KIF21A: variants seen among roughly 807,000 people sequenced by gnomAD.
The protein encoded by KIF21A is kinesin-like protein KIF21A.
In KIF21A, 114 loss-of-function variants were observed where a neutral mutation model predicts 202.9. The ratio of observed to expected loss-of-function variants is 0.56; its 90% confidence interval spans 0.48 to 0.66. KIF21A has a LOEUF of 0.66. KIF21A is among the 30% of genes least tolerant of loss of function. KIF21A has a pLI of 0.00. For missense variants in KIF21A, 1,677 were observed against 1,994.9 expected (o/e 0.84, Z 3.04); for synonymous variants, 667 against 670.8 (o/e 0.99, Z 0.09).
rs1479940083 is a variant in KIF21A at position 39,319,930 on chromosome 12, T to A, written c.3755A>T (p.Lys1252Ile). ...CTGCTTTTGTTCCTTGGCCTTTGAT[T>A]TTTCTGCTTTCTCATATGCCTTTCT... ...TRRKAYEKAE[K>I]SKAKEQKHSD... The change falls in exon 28 of 38, where the codon AAA (lysine) becomes ATA (isoleucine). Residue 1252 changes from lysine (K) to isoleucine (I), a missense_variant. Lys to Ile is a moderately radical substitution (Grantham distance 102). Around this residue, in one of 3 missense-constraint regions of KIF21A, gnomAD observed 705 missense variants for 791.9 expected, o/e 0.89. Transcript: ENST00000361418. The A allele has an allele frequency of 6.2e-7, 1 of 1,606,486 alleles. No homozygotes were observed. Among genetic ancestry groups the A allele is most frequent in the East Asian group, 2.2e-5 (1 of 44,782 alleles).
rs1387332677 is a variant in KIF21A, at chr12:39,436,448, A to ATATATTTTT, written c.44+6478_44+6479insAAAAATATA. On this transcript the variant is annotated intron_variant, in intron 1 of 37. Transcript: ENST00000361418. Reference sequence around the variant, plus strand: ...TATATATATATATATATATATATATATTTTTTTTTTTTTTAGACAGGGTTT... The same window carrying ATATATTTTT: ...TATATATATATATATATATATATATATATATTTTTTTTTTTTTTTTTTTAGACAGGGTTT... 6.7e-3 allele frequency among the ~76,000 whole-genome samples: 642 copies of ATATATTTTT among 95,706 alleles called. 9 individuals are homozygous for ATATATTTTT. The highest frequency in any genetic ancestry group is 0.01 in the Non-Finnish European group (525 of 50,396). The allele number at this position is 95,706 out of a possible 152,430, so 62.8% of individuals were successfully genotyped here. A position where few individuals can be genotyped will look rare whatever the true frequency, so the allele number is the denominator to read the frequency against.
intron 1 of KIF21A, among the ~76,000 whole-genome samples, chr12:39,407,992 A>G (rs190832922): frequency 1.3e-3 from 203 of 152,280 alleles, no homozygotes; most frequent in East Asian, 7.3e-3. Context: ...AATAGTCAAG[A>G]GAAAAAAACA....
rs1189468239 is a variant in KIF21A at position 39,293,254 on chromosome 12, A to C, written c.*1170T>G. On this transcript the variant is annotated 3_prime_UTR_variant, in exon 38 of 38. Coordinates refer to ENST00000361418, the MANE Select transcript of KIF21A (RefSeq NM_001173464.2). Reference sequence around the variant, plus strand: ...AATTTCATAGCAACATGTTTATTTAAGCCCTAGCTAAGTTTTCATTTACAA... The same window carrying C: ...AATTTCATAGCAACATGTTTATTTACGCCCTAGCTAAGTTTTCATTTACAA... 1 of 152,276 alleles carries C rather than the reference A, an allele frequency of 6.6e-6. No individual in the cohort carries two copies. Among genetic ancestry groups the C allele is most frequent in the East Asian group, 1.9e-4 (1 of 5,204 alleles). 9.4% of individuals were successfully genotyped at this position (152,276 alleles called of 1,614,324 possible).
intron 27 of KIF21A, among the ~76,000 whole-genome samples, chr12:39,320,432 GAC>G (rs1482509235): frequency 2.1e-4 from 31 of 150,882 alleles, no homozygotes; most frequent in African/African-American, 6.9e-4. Context: ...TTAATATTGA[GAC>G]ACAATCACAA....
At chr12:39,299,570 A>G (rs1189982113) in intron 37 of KIF21A, among the ~76,000 whole-genome samples, 1 of 152,196 alleles carries the variant, frequency 6.6e-6, no homozygotes, top group African/African-American at 2.4e-5. Flanking sequence ...TAAAAACAGA[A>G]CTACCATTTG....
Position 39,357,446 on chromosome 12 carries a change from G to C in KIF21A, c.1216-9C>G. 6.2e-7 allele frequency: 1 copy of C among 1,608,512 alleles called. No individual in the cohort carries two copies. The highest frequency in any genetic ancestry group is 8.5e-7 in the Non-Finnish European group (1 of 1,175,162). ...TCAATTATTCTTTTACCCTAGTAAAGGAAAATAATGTCCTTGTTGGTTGAG... is the reference window on the plus strand; with the variant it reads ...TCAATTATTCTTTTACCCTAGTAAACGAAAATAATGTCCTTGTTGGTTGAG... On this transcript the variant is annotated splice_polypyrimidine_tract_variant and intron_variant, in intron 8 of 37. Coordinates refer to ENST00000361418, the MANE Select transcript of KIF21A (RefSeq NM_001173464.2).
At chr12:39,354,650 A>G (rs1382016082) in intron 10 of KIF21A, among the ~76,000 whole-genome samples, 1 of 152,186 alleles carries the variant, frequency 6.6e-6, no homozygotes, top group African/African-American at 2.4e-5. Flanking sequence ...GCAATAAACA[A>G]ACATAAATTT....
At chr12:39,431,183 G>A (rs1342573367) in intron 1 of KIF21A, among the ~76,000 whole-genome samples, 2 of 152,172 alleles carry the variant, frequency 1.3e-5, no homozygotes, top group East Asian at 3.9e-4. Flanking sequence ...GTCCAGAGAT[G>A]ACCTAGAACA....
At chr12:39,420,485 T>TA (rs555912562) in intron 1 of KIF21A, among the ~76,000 whole-genome samples, 7 of 150,422 alleles carry the variant, frequency 4.7e-5, no homozygotes, top group East Asian at 1.9e-4. Context: ...ACACTAAGTT[T>TA]AAAAAAAAAA....
rs541967193 is a variant in KIF21A, at chr12:39,368,037, CA to C, written c.451-6del. 544 of 1,558,640 alleles carry C rather than the reference CA, an allele frequency of 3.5e-4. 5 individuals are homozygous for C. In the South Asian group the frequency reaches 5.3e-3, roughly 15 times the overall value. ...AAGGACCTCTTCATTATAGAGCTAT[CA>C]AAAAAATATTAGAAATCTAATTTTA... On this transcript the variant is annotated splice_polypyrimidine_tract_variant and splice_region_variant and intron_variant, in intron 3 of 37. Transcript: ENST00000361418.
At chr12:39,371,405 CCTAT>C (rs1949947525) in intron 1 of KIF21A, among the ~76,000 whole-genome samples, 1 of 152,184 alleles carries the variant, frequency 6.6e-6, no homozygotes, top group African/African-American at 2.4e-5. Flanking sequence ...CCAACACCAT[CCTAT>C]CTGTCTTCCC....
At chr12:39,374,967 C>G (rs925997509) in intron 1 of KIF21A, among the ~76,000 whole-genome samples, 1 of 152,038 alleles carries the variant, frequency 6.6e-6, no homozygotes, top group African/African-American at 2.4e-5. Context: ...TTCATTATTC[C>G]TATCGTATAA....
chr12:39,296,439 T>C (rs1942379831), intron 37 of KIF21A, among the ~76,000 whole-genome samples: 2 of 152,282 alleles, frequency 1.3e-5, no homozygotes, highest in South Asian at 4.1e-4. Context: ...GTAGATCATA[T>C]ACTTTAGCAA....
intron 11 of KIF21A, among the ~76,000 whole-genome samples, chr12:39,351,312 G>A (rs898146284): frequency 6.6e-6 from 1 of 152,034 alleles, no homozygotes; most frequent in African/African-American, 2.4e-5. Flanking sequence ...AAATATTTAA[G>A]AGACCAAATG....
chr12:39,309,187 A>G (rs936773052), intron 33 of KIF21A, among the ~76,000 whole-genome samples: 8 of 152,192 alleles, frequency 5.3e-5, no homozygotes, highest in African/African-American at 1.9e-4. Context: ...AGTTATAAGT[A>G]CTTCTTCACT....
chr12:39,352,808 A>G (rs978411713), intron 10 of KIF21A, among the ~76,000 whole-genome samples: 3 of 152,176 alleles, frequency 2.0e-5, no homozygotes, highest in Non-Finnish European at 2.9e-5. Flanking sequence ...CCTAATAATG[A>G]CAGGAGAATA....
chr12:39,362,057 T>C (rs149471779), intron 7 of KIF21A, among the ~76,000 whole-genome samples: 132 of 152,218 alleles, frequency 8.7e-4, no homozygotes, highest in Non-Finnish European at 1.5e-3. Flanking sequence ...TAAAAGTGTT[T>C]GGCACCTTCC....
At chr12:39,440,818 A>G (rs1054927385) in intron 1 of KIF21A, among the ~76,000 whole-genome samples, 1 of 152,048 alleles carries the variant, frequency 6.6e-6, no homozygotes, top group Non-Finnish European at 1.5e-5. Context: ...GTACAAGACC[A>G]CTCTGGGAAA....
chr12:39,405,251 C>T (rs1042837056), intron 1 of KIF21A, among the ~76,000 whole-genome samples: 2 of 151,988 alleles, frequency 1.3e-5, no homozygotes, highest in Non-Finnish European at 2.9e-5. Flanking sequence ...ACTTGGGAGG[C>T]TGAGGCAGGA....
Sources: allele counts gnomAD v4.1 joint callset (sites outside exome capture counted in the v4.1 genomes callset), GRCh38; gene constraint gnomAD v4.1.1; regional missense constraint gnomAD v4.1.1; transcripts MANE v1.5; gene names NCBI Gene and HGNC (gene_info 2026-07-23, HGNC 2026-07-21).